TLK2: variants seen among roughly 807,000 people sequenced by gnomAD.
TLK2 encodes the protein serine/threonine-protein kinase tousled-like 2.
In TLK2, 6 loss-of-function variants were observed where a neutral mutation model predicts 117.3. That is an observed-to-expected ratio of 0.05 (90% confidence interval 0.03 to 0.10). The LOEUF (loss-of-function observed/expected upper bound fraction) is 0.10. Ranked by LOEUF, TLK2 falls within the 10% of genes least tolerant of loss-of-function variation. TLK2 has a pLI of 1.00. For synonymous variants in TLK2, 257 were observed against 316.7 expected (o/e 0.81, Z 2.00); for missense variants, 299 against 901.2 (o/e 0.33, Z 8.56).
chr17:62,508,148 T>C (rs2074858458), intron 2 of TLK2, among the ~76,000 whole-genome samples: 1 of 146,712 alleles, frequency 6.8e-6, no homozygotes, highest in African/African-American at 2.5e-5. Context: ...TTTAAACCAG[T>C]AAATTAAAAA....
At chr17:62,516,827 G>C (rs1289904918) in intron 2 of TLK2, 2 of 1,042,796 alleles carry the variant, frequency 1.9e-6, no homozygotes, top group Non-Finnish European at 2.9e-6. Flanking sequence ...CTTATGTTTA[G>C]GTCTTTGATG....
rs1052002446 is a variant in TLK2, at chr17:62,564,944, G to T, written c.832-57G>T. The T allele has an allele frequency of 2.3e-5, 36 of 1,547,868 alleles. No individual in the cohort carries two copies. In the African/African-American group the frequency reaches 4.7e-4, roughly 20 times the overall value. On this transcript the variant is annotated intron_variant, in intron 10 of 21. Transcript: ENST00000346027. ...TGTTAAATGTTTTAGTTTCTAAGAA[G>T]TGTCTTTATCCATGCTAATTGGTAT... is the stretch of plus-strand genomic sequence containing the variant.
chr17:62,516,334 T>C lies in TLK2; in HGVS notation c.82-4439T>C. On this transcript the variant is annotated intron_variant, in intron 2 of 21. Coordinates refer to ENST00000346027, the MANE Select transcript of TLK2 (RefSeq NM_006852.6). ...TCCTCTCCAGTTTTACTGAGGTGGC[T>C]GACCACGTCCACAACCAAATCCGCC... 2.9e-6 allele frequency: 4 copies of C among 1,365,200 alleles called. No homozygotes were observed. The South Asian group carries it at 4.7e-5, about 16-fold the overall frequency. 84.6% of individuals were successfully genotyped at this position (1,365,200 alleles called of 1,614,324 possible). A position where few individuals can be genotyped will look rare whatever the true frequency, so the allele number is the denominator to read the frequency against.
At chr17:62,518,149 A>G (rs769059626) in intron 2 of TLK2, among the ~76,000 whole-genome samples, 1 of 152,226 alleles carries the variant, frequency 6.6e-6, no homozygotes, top group Non-Finnish European at 1.5e-5. Flanking sequence ...CTACTGTTCA[A>G]GGTCATCACC....
At chr17:62,521,445 T>C (rs1319500077) in intron 3 of TLK2, among the ~76,000 whole-genome samples, 4 of 152,230 alleles carry the variant, frequency 2.6e-5, no homozygotes, top group Admixed American at 1.3e-4. Context: ...CGCTCTGTCA[T>C]GCAGGTCAGA....
At chr17:62,541,845 G>GA (rs61474043) in intron 7 of TLK2, among the ~76,000 whole-genome samples, 18 of 146,532 alleles carry the variant, frequency 1.2e-4, no homozygotes, top group South Asian at 2.2e-4. Flanking sequence ...CAGTCTCAAA[G>GA]AAAAAAAAAA....
chr17:62,595,327 A>G (rs1168073549), intron 16 of TLK2, among the ~76,000 whole-genome samples: 1 of 137,690 alleles, frequency 7.3e-6, no homozygotes, highest in African/African-American at 2.7e-5. Flanking sequence ...TAACAAAATG[A>G]TGTTATTTAA....
intron 2 of TLK2, among the ~76,000 whole-genome samples, chr17:62,505,091 C>A (rs924014061): frequency 6.6e-6 from 1 of 152,016 alleles, no homozygotes; most frequent in African/African-American, 2.4e-5. Context: ...CCACTTGACT[C>A]AGCCTCCCAG....
chr17:62,582,883 G>A (rs1401533069), intron 15 of TLK2, among the ~76,000 whole-genome samples: 2 of 152,002 alleles, frequency 1.3e-5, no homozygotes, highest in East Asian at 1.9e-4. Context: ...CTCATACTAC[G>A]TCTTTTTATA....
At chr17:62,571,154 G>T (rs1489953206) in intron 11 of TLK2, among the ~76,000 whole-genome samples, 1 of 152,112 alleles carries the variant, frequency 6.6e-6, no homozygotes, top group Non-Finnish European at 1.5e-5. Context: ...TTTCTTTCAA[G>T]CCATGAATTA....
chr17:62,604,782 G>A (rs762620050), intron 19 of TLK2, among the ~76,000 whole-genome samples: 76 of 151,520 alleles, frequency 5.0e-4, no homozygotes, highest in Non-Finnish European at 7.9e-4. Flanking sequence ...GGTGGTGCAC[G>A]CCTGAAATCC....
intron 7 of TLK2, among the ~76,000 whole-genome samples, chr17:62,549,420 A>AAAAAAAAAAAAAAAAAAAAAAAGT (rs1598512554): frequency 1.3e-4 from 1 of 7,452 alleles, no homozygotes; most frequent in African/African-American, 1.7e-4. Context: ...AAAAAAAAAA[A>AAAAAAAAAAAAAAAAAAAAAAAGT]AAAAAAAAAA....
At chr17:62,515,309 T>G (rs1180396580) in intron 2 of TLK2, among the ~76,000 whole-genome samples, 1 of 152,254 alleles carries the variant, frequency 6.6e-6, no homozygotes, top group Non-Finnish European at 1.5e-5. Flanking sequence ...AGCTATCTCT[T>G]TGAGGCCCTG....
chr17:62,526,742 C>T (rs1418706823), intron 6 of TLK2, among the ~76,000 whole-genome samples: 5 of 152,132 alleles, frequency 3.3e-5, no homozygotes, highest in Non-Finnish European at 5.9e-5. Context: ...AGCCTCATGC[C>T]CCAAATGTAA....
In TLK2 at chr17:62,522,187, T is replaced by C. The variant is rs2076090274; in HGVS notation, c.154-17T>C. The stretch of plus-strand genomic sequence containing the variant: ...ATTTACCAAAATGCTAATTGTGACT[T>C]ATATGGTATTTGACAGACTCCCGAG... On this transcript the variant is annotated splice_polypyrimidine_tract_variant and intron_variant, in intron 3 of 21. Coordinates refer to ENST00000346027, the MANE Select transcript of TLK2 (RefSeq NM_006852.6). 2.5e-6 allele frequency: 4 copies of C among 1,610,288 alleles called. No individual in the cohort carries two copies. The highest frequency in any genetic ancestry group is 2.2e-5 in the East Asian group (1 of 44,820).
chr17:62,505,503 T>C (rs2074607859), intron 2 of TLK2, among the ~76,000 whole-genome samples: 3 of 142,388 alleles, frequency 2.1e-5, no homozygotes, highest in Non-Finnish European at 4.5e-5. Flanking sequence ...TCCTCCCGCC[T>C]TAGACTCCCA....
intron 16 of TLK2, among the ~76,000 whole-genome samples, chr17:62,592,712 C>T (rs1305496278): frequency 2.0e-5 from 3 of 152,182 alleles, no homozygotes; most frequent in African/African-American, 7.2e-5. Flanking sequence ...CAGGATGATT[C>T]AAGCGCATTA....
chr17:62,495,813 C>T (rs1346573636), intron 2 of TLK2, among the ~76,000 whole-genome samples: 2 of 151,380 alleles, frequency 1.3e-5, no homozygotes, highest in African/African-American at 2.4e-5. Flanking sequence ...CGCATGCTGC[C>T]GTGCCCAGCT....
chr17:62,524,071 A>G (rs1189388245), intron 5 of TLK2, among the ~76,000 whole-genome samples, 165 bp from the exon 6 acceptor site: 1 of 151,596 alleles, frequency 6.6e-6, no homozygotes, highest in Non-Finnish European at 1.5e-5. Context: ...TCTCATTAAA[A>G]ATTAGCAGAA....
Sources: gnomAD v4.1 joint callset for allele counts (sites outside exome capture counted in the v4.1 genomes callset) on GRCh38, gnomAD v4.1.1 for gene constraint, MANE v1.5 for transcripts, NCBI Gene and HGNC (gene_info 2026-07-23, HGNC 2026-07-21) for gene names.